DNAH9: variants seen among roughly 807,000 people sequenced by gnomAD.
DNAH9 encodes the protein dynein axonemal heavy chain 9, also known as DNAH9 variant protein.
Under a neutral mutation model 471.6 loss-of-function variants are expected in DNAH9, and 345 were observed. That is an observed-to-expected ratio of 0.73 (90% confidence interval 0.67 to 0.80). DNAH9 has a LOEUF of 0.80. Ranked by LOEUF, DNAH9 falls within the 30% of genes least tolerant of loss-of-function variation. DNAH9 has a pLI of 0.00. For synonymous variants in DNAH9, 2,093 were observed against 2,123.6 expected (o/e 0.99, Z 0.40); for missense variants, 5,407 against 5,609.2 (o/e 0.96, Z 1.15).
intron 27 of DNAH9, among the ~76,000 whole-genome samples, chr17:11,720,342 G>A (rs1033285495): frequency 5.3e-5 from 8 of 151,660 alleles, no homozygotes; most frequent in East Asian, 1.9e-4. Flanking sequence ...TTGGTGTGCT[G>A]CACCCATTAA....
intron 44 of DNAH9, among the ~76,000 whole-genome samples, chr17:11,809,566 CAAAAAAT>C (rs1031664052): frequency 2.0e-4 from 31 of 151,534 alleles, no homozygotes; most frequent in African/African-American, 3.9e-4. Flanking sequence ...GAATCCATCT[CAAAAAAT>C]AAAAAATAAA....
intron 49 of DNAH9, among the ~76,000 whole-genome samples, chr17:11,841,565 A>C (rs563237285): frequency 6.6e-6 from 1 of 152,156 alleles, no homozygotes; most frequent in Non-Finnish European, 1.5e-5. Flanking sequence ...GCAATCAGAC[A>C]TGTATTTGTC....
Position 11,598,536 on chromosome 17 carries a change from A to G in DNAH9, c.38A>G (p.Glu13Gly). The G allele has an allele frequency of 2.2e-6, 3 of 1,347,134 alleles. No individual in the cohort carries two copies. Among genetic ancestry groups the G allele is most frequent in the Non-Finnish European group, 2.9e-6 (3 of 1,039,286 alleles). 83.4% of individuals were successfully genotyped at this position (1,347,134 alleles called of 1,614,324 possible). ...LAEERAALAA[E>G]NADGEPGADR... is the part of the protein sequence containing the mutation. Reference sequence around the variant, plus strand: ...GAGGAGCGGGCCGCGCTCGCGGCGGAGAACGCGGATGGGGAACCCGGCGCC... The same window carrying G: ...GAGGAGCGGGCCGCGCTCGCGGCGGGGAACGCGGATGGGGAACCCGGCGCC... Residue 13 changes from glutamate to glycine, a missense_variant, in exon 1 of 69, where the codon GAG (glutamate) becomes GGG (glycine). By Grantham distance (98) the Glu-to-Gly change is moderately conservative. Around this residue, in one of 3 missense-constraint regions of DNAH9, gnomAD observed 767 missense variants for 692.5 expected, o/e 1.11. Coordinates refer to ENST00000262442, the MANE Select transcript of DNAH9 (RefSeq NM_001372.4).
rs1482043828 is a variant in DNAH9, at chr17:11,694,397, T to A, written c.4822T>A (p.Ser1608Thr). 6.2e-7 allele frequency: 1 copy of A among 1,612,992 alleles called. No homozygotes were observed. Among genetic ancestry groups the A allele is most frequent in the South Asian group, 1.1e-5 (1 of 90,954 alleles). Residue 1608 changes from serine (S) to threonine (T), a missense_variant, in exon 22 of 69, where the codon TCC (serine) becomes ACC (threonine). By Grantham distance (58) the Ser-to-Thr change is moderately conservative. This residue lies in a region of DNAH9 where 4,636 missense variants were observed against 4,900.3 expected (regional missense o/e 0.95). Transcript: ENST00000262442. ...TGCCTTCCCGCGGTTTTACTTTCTC[T>A]CCTCCTCCGATCTGTTAGACATCCT... ...RLAFPRFYFLSSSDLLDILSN... is the reference protein window; with the variant it reads ...RLAFPRFYFLTSSDLLDILSN...
chr17:11,786,703 G>C (rs1968881746), intron 41 of DNAH9, among the ~76,000 whole-genome samples: 1 of 152,244 alleles, frequency 6.6e-6, no homozygotes, highest in Non-Finnish European at 1.5e-5. Context: ...CACTGCTGTG[G>C]AGGTAATTCA....
chr17:11,964,239 T>A (rs559502678), intron 68 of DNAH9, among the ~76,000 whole-genome samples: 1 of 152,236 alleles, frequency 6.6e-6, no homozygotes, highest in South Asian at 2.1e-4. Flanking sequence ...TCAGTGGAGA[T>A]CATATATGGA....
rs2073945593 is a variant in DNAH9, at chr17:11,669,781, C to T, written c.3340C>T (p.His1114Tyr). The change falls in exon 17 of 69, where the codon CAC (histidine) becomes TAC (tyrosine). Residue 1114 changes from histidine (H) to tyrosine (Y), a missense_variant. Around this residue, in one of 3 missense-constraint regions of DNAH9, gnomAD observed 4,636 missense variants for 4,900.3 expected, o/e 0.95. Transcript: ENST00000262442. ...SLLFKQHLVDHVTHSLANLDA... is the reference protein window; with the variant it reads ...SLLFKQHLVDYVTHSLANLDA... The stretch of plus-strand genomic sequence containing the variant: ...CCTGTTCAAACAGCATCTTGTGGAC[C>T]ACGTCACTCACAGGTACAACAGTTG... 1.2e-6 allele frequency: 2 copies of T among 1,613,626 alleles called. No homozygotes were observed. Among genetic ancestry groups the T allele is most frequent in the Non-Finnish European group, 1.7e-6 (2 of 1,179,724 alleles).
At chr17:11,923,677 A>G in intron 61 of DNAH9, 137 bp from the exon 62 acceptor site, 1 of 971,520 alleles carries the variant, frequency 1.0e-6, no homozygotes, top group Admixed American at 2.8e-5. Context: ...GAAAAGGGTC[A>G]GTATATGAGG....
intron 14 of DNAH9, among the ~76,000 whole-genome samples, chr17:11,656,507 G>A (rs980046503): frequency 9.9e-5 from 15 of 152,238 alleles, no homozygotes; most frequent in East Asian, 3.9e-4. Context: ...GATATCATGC[G>A]TAACGTTTAA....
chr17:11,727,687 A>T, intron 27 of DNAH9, 131 bp from the exon 28 acceptor site: 1 of 635,536 alleles, frequency 1.6e-6, no homozygotes, highest in Non-Finnish European at 2.9e-6. Flanking sequence ...TTGAAATTTT[A>T]ATACAAGTTT....
chr17:11,771,870 C>T (rs1285076038), intron 38 of DNAH9, among the ~76,000 whole-genome samples: 1 of 152,208 alleles, frequency 6.6e-6, no homozygotes, highest in Non-Finnish European at 1.5e-5. Context: ...TAGACTTTTA[C>T]ACTTTTCTCT....
chr17:11,758,749 A>G (rs1196313861), intron 35 of DNAH9, among the ~76,000 whole-genome samples: 1 of 152,146 alleles, frequency 6.6e-6, no homozygotes, highest in Non-Finnish European at 1.5e-5. Context: ...TTCAAAGTGA[A>G]TTTTGTATAC....
intron 45 of DNAH9, among the ~76,000 whole-genome samples, chr17:11,813,344 C>T (rs1969989173): frequency 6.6e-6 from 1 of 152,050 alleles, no homozygotes; most frequent in Non-Finnish European, 1.5e-5. Context: ...ACCATTTCAA[C>T]AGGGAGAATT....
chr17:11,729,377 T>C (rs2075218560), intron 28 of DNAH9, among the ~76,000 whole-genome samples: 1 of 152,094 alleles, frequency 6.6e-6, no homozygotes, highest in African/African-American at 2.4e-5. Context: ...AAGGGCACCA[T>C]GTGATGATCA....
chr17:11,659,389 C>A (rs142316403), intron 14 of DNAH9, among the ~76,000 whole-genome samples: 1,523 of 152,252 alleles, frequency 0.01, 9 homozygotes, highest in Non-Finnish European at 0.016. Context: ...GGGTCTAAAA[C>A]CCCTTGTGGC....
chr17:11,624,228 G>A (rs949711849), intron 6 of DNAH9, among the ~76,000 whole-genome samples: 1 of 152,344 alleles, frequency 6.6e-6, no homozygotes, highest in African/African-American at 2.4e-5. Context: ...AAGAACTGGG[G>A]CCGGGTGCAG....
chr17:11,906,979 G>C (rs1597811865), intron 61 of DNAH9, among the ~76,000 whole-genome samples: 1 of 152,158 alleles, frequency 6.6e-6, no homozygotes, highest in East Asian at 1.9e-4. Flanking sequence ...TTTACCTATG[G>C]AACAAACCTG....
intron 38 of DNAH9, among the ~76,000 whole-genome samples, chr17:11,777,796 C>T (rs1281284742): frequency 6.6e-6 from 1 of 152,202 alleles, no homozygotes; most frequent in Non-Finnish European, 1.5e-5. Context: ...TACAGAAAGA[C>T]AGCTCTCTCC....
chr17:11,871,692 TA>T lies in DNAH9; in HGVS notation c.10150del (p.Thr3384ArgfsTer27), dbSNP rs1567864352. 1 of 1,614,226 alleles carries T rather than the reference TA, an allele frequency of 6.2e-7. No homozygotes were observed. Among genetic ancestry groups the T allele is most frequent in the Admixed American group, 1.7e-5 (1 of 60,028 alleles). ...ERTLCGDILL[I>X]TAFISYLGFF... ...ACGTTATGTGGAGACATTTTACTTA[TA>T]ACGGCTTTCATTTCCTACCTTGGCT... On this transcript the variant is annotated frameshift_variant, in exon 52 of 69. Coordinates refer to ENST00000262442, the MANE Select transcript of DNAH9 (RefSeq NM_001372.4). LOFTEE classifies it high-confidence loss of function.
Sources: allele counts gnomAD v4.1 joint callset (sites outside exome capture counted in the v4.1 genomes callset), GRCh38; gene constraint gnomAD v4.1.1; regional missense constraint gnomAD v4.1.1; transcripts MANE v1.5; gene names NCBI Gene and HGNC (gene_info 2026-07-23, HGNC 2026-07-21).